The following ANKRD44 variants were observed in gnomAD, a reference collection of about 807,000 sequenced individuals.
ANKRD44 encodes the protein ankyrin repeat domain 44.
Under a neutral mutation model 116.0 loss-of-function variants are expected in ANKRD44, and 35 were observed. The observed-to-expected ratio is 0.30, with a 90% CI of 0.23 to 0.40. The LOEUF is 0.40. Among genes scored for constraint, ANKRD44 ranks in the 10% least tolerant of loss-of-function variants. The pLI is 1.00. For synonymous variants in ANKRD44, 435 were observed against 461.8 expected, an observed-to-expected ratio of 0.94 and a Z score of 0.74; for missense variants, 1,014 against 1,242.6, an observed-to-expected ratio of 0.82 and a Z score of 2.77.
intron 1 of ANKRD44, among the ~76,000 whole-genome samples, chr2:197,235,572 T>C (rs2081959517): frequency 1.3e-5 from 2 of 150,578 alleles, no homozygotes; most frequent in South Asian, 2.1e-4. Context: ...GCCGAGATTG[T>C]TGCACTGCAC....
intron 16 of ANKRD44, among the ~76,000 whole-genome samples, chr2:197,033,867 T>G (rs961922954): frequency 2.6e-5 from 4 of 152,076 alleles, no homozygotes; most frequent in African/African-American, 9.7e-5. Flanking sequence ...AAGAAGACAA[T>G]GTAAAAAAGT....
intron 13 of ANKRD44, among the ~76,000 whole-genome samples, chr2:197,083,767 C>G (rs1398167143): frequency 1.3e-5 from 2 of 152,186 alleles, no homozygotes; most frequent in Non-Finnish European, 2.9e-5. Flanking sequence ...ATGTGCATTT[C>G]CTTCGAACAT....
At chr2:196,978,899 T>TAA (rs58172786) in intron 21 of ANKRD44, among the ~76,000 whole-genome samples, 4 of 142,060 alleles carry the variant, frequency 2.8e-5, no homozygotes, top group African/African-American at 1.0e-4. Flanking sequence ...GATATTGTTT[T>TAA]AAAAAAAAAA....
chr2:197,003,108 A>T (rs1046512627), intron 21 of ANKRD44, among the ~76,000 whole-genome samples: 8 of 151,800 alleles, frequency 5.3e-5, no homozygotes, highest in African/African-American at 1.9e-4. Context: ...GGAGTTCAAG[A>T]CCAGCCTGGC....
rs570206428 is a variant in ANKRD44 at position 197,023,561 on chromosome 2, A to T, written c.1722+1635T>A. 7.2e-5 allele frequency among the ~76,000 whole-genome samples: 11 copies of T among 152,192 alleles called. No homozygotes were observed. The South Asian group carries it at 2.1e-3, about 29-fold the overall frequency. ...CAGAGTACACAATAAGCATTCAACA[A>T]ATACACTGTGGAAAAAAAAAAGAAG... On this transcript the variant is annotated intron_variant, in intron 17 of 27. Transcript: ENST00000282272.
intron 1 of ANKRD44, among the ~76,000 whole-genome samples, chr2:197,247,465 G>C (rs752346829): frequency 2.6e-5 from 4 of 152,178 alleles, no homozygotes; most frequent in Non-Finnish European, 5.9e-5. Flanking sequence ...AAATCACATT[G>C]ACAGAAGTCC....
In ANKRD44 at chr2:196,998,927, T is replaced by C; in HGVS notation, c.2645A>G (p.Asn882Ser). The change falls in exon 24 of 28, where the codon AAT (asparagine) becomes AGT (serine). Residue 882 changes from asparagine to serine, a missense_variant. Asn to Ser is a conservative substitution (Grantham distance 46, BLOSUM62 1). Coordinates refer to ENST00000282272, the MANE Select transcript of ANKRD44 (RefSeq NM_001195144.2). ...GKTALMMAAE[N>S]GQAGAVDILV... is the part of the protein sequence containing the mutation. The stretch of plus-strand genomic sequence containing the variant: ...CATACCCACAGCGCCTGCCTGCCCA[T>C]TCTCAGCAGCCATCATCAGTGCTGT... 4 of 1,614,212 alleles carry C rather than the reference T, an allele frequency of 2.5e-6. No individual in the cohort carries two copies. Among genetic ancestry groups the C allele is most frequent in the Non-Finnish European group, 8.5e-7 (1 of 1,180,026 alleles).
chr2:197,286,570 G>C (rs115934993), intron 1 of ANKRD44, among the ~76,000 whole-genome samples: 1,845 of 151,802 alleles, frequency 0.012, 26 homozygotes, highest in South Asian at 0.017. Flanking sequence ...AGAGATGGGG[G>C]TCTCGCTATG....
chr2:197,085,854 C>G (rs1490065570), intron 13 of ANKRD44, among the ~76,000 whole-genome samples: 4 of 152,022 alleles, frequency 2.6e-5, no homozygotes, highest in Non-Finnish European at 5.9e-5. Context: ...GTTTCTTGCG[C>G]AAGATACAAG....
intron 4 of ANKRD44, chr2:197,135,242 CA>C (rs2125384258): frequency 6.6e-6 from 1 of 152,320 alleles, no homozygotes; most frequent in South Asian, 2.1e-4. Flanking sequence ...TAATTCTCAG[CA>C]AGACCTTTTG....
intron 2 of ANKRD44, among the ~76,000 whole-genome samples, chr2:197,153,680 A>G (rs1483728948): frequency 6.6e-6 from 1 of 152,232 alleles, no homozygotes; most frequent in African/African-American, 2.4e-5. Flanking sequence ...TAATAGTCCC[A>G]TATGTGCCCA....
chr2:197,310,212 G>A (rs886654034), intron 1 of ANKRD44, among the ~76,000 whole-genome samples: 1 of 151,808 alleles, frequency 6.6e-6, no homozygotes, highest in African/African-American at 2.4e-5. Context: ...CTCCTCCCCG[G>A]GGCCCGGGCC....
Position 197,310,565 on chromosome 2 carries a change from C to A in ANKRD44, c.27+13G>T, listed in dbSNP as rs772185014. The stretch of plus-strand genomic sequence containing the variant: ...GCCCGCGCGTCCCGCCCGCCGGCGC[C>A]GCCGCCCGCTACCTGGTCGGTGAGT... On this transcript the variant is annotated intron_variant, in intron 1 of 27. Coordinates refer to ENST00000282272, the MANE Select transcript of ANKRD44 (RefSeq NM_001195144.2). The A allele has an allele frequency of 4.2e-6, 5 of 1,190,668 alleles. No individual in the cohort carries two copies. The highest frequency in any genetic ancestry group is 2.3e-4 in the Middle Eastern group (1 of 4,308). The allele number at this position is 1,190,668 out of a possible 1,614,324, so 73.8% of individuals were successfully genotyped here.
In ANKRD44 at chr2:197,090,004, G is replaced by A; in HGVS notation, c.1129C>T (p.His377Tyr). The change falls in exon 11 of 28, where the codon CAT becomes TAT. Residue 377 changes from histidine to tyrosine, a missense_variant. Coordinates refer to ENST00000282272, the MANE Select transcript of ANKRD44 (RefSeq NM_001195144.2). The stretch of plus-strand genomic sequence containing the variant: ...GAGTGAGCATTTAGGGCAGCTAAAT[G>A]TAAAGGGAACATGCTATGGATTCCA... ...KCGIHSMFPL[H>Y]LAALNAHSDC... The A allele has an allele frequency of 6.2e-7, 1 of 1,614,088 alleles. No homozygotes were observed. The highest frequency in any genetic ancestry group is 8.5e-7 in the Non-Finnish European group (1 of 1,179,970).
chr2:197,078,891 T>C (rs896802360), intron 15 of ANKRD44, 77 bp from the exon 16 acceptor site: 4 of 1,443,218 alleles, frequency 2.8e-6, no homozygotes, highest in Non-Finnish European at 1.9e-6. Context: ...AATCCTCCTA[T>C]TACGAACGTT....
At chr2:197,160,624 CA>C (rs2079937116) in intron 2 of ANKRD44, among the ~76,000 whole-genome samples, 1 of 152,152 alleles carries the variant, frequency 6.6e-6, no homozygotes, top group Admixed American at 6.5e-5. Flanking sequence ...ATAGGACCTG[CA>C]GCAGTCTCTT....
chr2:197,287,472 A>G (rs1322345168), intron 1 of ANKRD44, among the ~76,000 whole-genome samples: 1 of 152,160 alleles, frequency 6.6e-6, no homozygotes, highest in Non-Finnish European at 1.5e-5. Flanking sequence ...TTTGTTCTAG[A>G]GATGAGCAAG....
intron 9 of ANKRD44, among the ~76,000 whole-genome samples, chr2:197,108,135 T>C (rs2078477423): frequency 6.6e-6 from 1 of 152,232 alleles, no homozygotes. Context: ...GGTTGAGAGT[T>C]CAGTCTCTGA....
intron 1 of ANKRD44, chr2:197,250,934 A>G (rs1469203235): frequency 6.6e-6 from 1 of 152,242 alleles, no homozygotes; most frequent in Non-Finnish European, 1.5e-5. Flanking sequence ...GAAGAGTTGT[A>G]AAGCCCTTCA....
Sources: gnomAD v4.1 joint callset for allele counts (sites outside exome capture counted in the v4.1 genomes callset) on GRCh38, gnomAD v4.1.1 for gene constraint, MANE v1.5 for transcripts, NCBI Gene and HGNC (gene_info 2026-07-23, HGNC 2026-07-21) for gene names.